Variants in IGF2BP3 observed in about 807,000 individuals in gnomAD.
IGF2BP3 encodes insulin like growth factor 2 mRNA binding protein 3, also known as insulin-like growth factor 2 mRNA-binding protein 3.
Under a neutral mutation model 73.8 loss-of-function variants are expected in IGF2BP3, and 9 were observed. The observed-to-expected ratio is 0.12, with a 90% CI of 0.07 to 0.21. The LOEUF (loss-of-function observed/expected upper bound fraction) is 0.21, where lower values mean the gene tolerates loss of function less well. Among genes scored for constraint, IGF2BP3 ranks in the 10% least tolerant of loss-of-function variants. The pLI, the probability that IGF2BP3 is intolerant of heterozygous loss-of-function variation, is 1.00. For synonymous variants in IGF2BP3, 258 were observed against 256.7 expected (o/e 1.01, Z -0.05); for missense variants, 542 against 714.0 (o/e 0.76, Z 2.75).
chr7:23,449,726 T>G (rs1317353429), intron 2 of IGF2BP3, among the ~76,000 whole-genome samples: 1 of 151,450 alleles, frequency 6.6e-6, no homozygotes, highest in Non-Finnish European at 1.5e-5. Flanking sequence ...CCCCGCTCAT[T>G]TTTTGTGTTT....
intron 3 of IGF2BP3, among the ~76,000 whole-genome samples, chr7:23,416,493 A>G (rs74338347): frequency 0.02 from 3,009 of 152,214 alleles, 107 homozygotes; most frequent in African/African-American, 0.068. Flanking sequence ...TATCTTCTGT[A>G]TTTCTTGTAA....
intron 3 of IGF2BP3, among the ~76,000 whole-genome samples, chr7:23,394,155 C>G (rs1375384613): frequency 6.6e-6 from 1 of 152,140 alleles, no homozygotes; most frequent in African/African-American, 2.4e-5. Flanking sequence ...ACCTGCACAA[C>G]TTAAAAAATC....
At chr7:23,364,879 T>G (rs1249297828) in intron 3 of IGF2BP3, among the ~76,000 whole-genome samples, 1 of 151,528 alleles carries the variant, frequency 6.6e-6, no homozygotes, top group Non-Finnish European at 1.5e-5. Context: ...AAAATATAGC[T>G]TTTAGGACCA....
In IGF2BP3 at chr7:23,451,494, T is replaced by C. The variant is rs1788195878; in HGVS notation, c.236+16988A>G. Among the ~76,000 whole-genome samples the C allele has an allele frequency of 5.9e-5, 9 of 152,298 alleles. No individual in the cohort carries two copies. In the South Asian group the frequency reaches 1.9e-3, roughly 32 times the overall value. ...TAAAACCCCTATCATTCCAGGAGGC[T>C]GAGGCAGGAGAATCGCTTGAACCCA... On this transcript the variant is annotated intron_variant, in intron 2 of 14. Transcript: ENST00000258729.
chr7:23,371,154 AACACACAC>A (rs60859365), intron 3 of IGF2BP3, among the ~76,000 whole-genome samples: 2 of 148,744 alleles, frequency 1.3e-5, no homozygotes, highest in Non-Finnish European at 3.0e-5. Flanking sequence ...ACACCTTGCC[AACACACAC>A]ACACACACAC....
rs1004946372 is a variant in IGF2BP3 at position 23,468,389 on chromosome 7, G to T, written c.236+93C>A. On this transcript the variant is annotated intron_variant, in intron 2 of 14. Coordinates refer to ENST00000258729, the MANE Select transcript of IGF2BP3 (RefSeq NM_006547.3). Reference sequence around the variant, plus strand: ...GGAACACCACGCCACACGGCAGGGGGTAAGCACCAGAGGACAAGAAGTTCT... The same window carrying T: ...GGAACACCACGCCACACGGCAGGGGTTAAGCACCAGAGGACAAGAAGTTCT... 16 of 1,282,998 alleles carry T rather than the reference G, an allele frequency of 1.2e-5. No homozygotes were observed. In the Admixed American group the frequency reaches 2.0e-4, roughly 16 times the overall value. 79.5% of individuals were successfully genotyped at this position (1,282,998 alleles called of 1,614,324 possible). A position where few individuals can be genotyped will look rare whatever the true frequency, so the allele number is the denominator to read the frequency against.
chr7:23,336,638 T>C (rs1463822393), intron 10 of IGF2BP3, among the ~76,000 whole-genome samples: 1 of 152,122 alleles, frequency 6.6e-6, no homozygotes, highest in African/African-American at 2.4e-5. Context: ...TTGCTTCTTT[T>C]TGGCTTCATT....
At chr7:23,411,018 GC>G (rs1234624802) in intron 3 of IGF2BP3, among the ~76,000 whole-genome samples, 1 of 152,048 alleles carries the variant, frequency 6.6e-6, no homozygotes, top group African/African-American at 2.4e-5. Context: ...CTACTTATTG[GC>G]CGAGTGGCCT....
At chr7:23,370,875 T>A (rs1206677332) in intron 3 of IGF2BP3, among the ~76,000 whole-genome samples, 1 of 151,722 alleles carries the variant, frequency 6.6e-6, no homozygotes, top group Non-Finnish European at 1.5e-5. Flanking sequence ...GACAGAGTTT[T>A]GCCATGTTGG....
chr7:23,311,183 G>GGC lies in IGF2BP3; in HGVS notation c.*1177_*1178dup, dbSNP rs1371826333. 2.0e-5 allele frequency: 3 copies of GGC among 151,448 alleles called. No homozygotes were observed. The highest frequency in any genetic ancestry group is 7.3e-5 in the African/African-American group (3 of 41,152). The allele number at this position is 151,448 out of a possible 1,614,324, so 9.4% of individuals were successfully genotyped here. On this transcript the variant is annotated 3_prime_UTR_variant, in exon 15 of 15. Coordinates refer to ENST00000258729, the MANE Select transcript of IGF2BP3 (RefSeq NM_006547.3). Reference sequence around the variant, plus strand: ...GCTTAGTGAGGCTCATGACAGTGCTGGCCCCATGGAAATGTAGCCTTTTGT... The same window carrying GGC: ...GCTTAGTGAGGCTCATGACAGTGCTGGCGCCCCATGGAAATGTAGCCTTTTGT...
At chr7:23,313,868 T>C (rs2128491102) in intron 12 of IGF2BP3, among the ~76,000 whole-genome samples, 1 of 152,322 alleles carries the variant, frequency 6.6e-6, no homozygotes, top group Admixed American at 6.5e-5. Flanking sequence ...ACTGAATGCT[T>C]GGTGAAAGAA....
intron 10 of IGF2BP3, among the ~76,000 whole-genome samples, chr7:23,319,911 C>T (rs762679351): frequency 1.3e-5 from 2 of 151,562 alleles, no homozygotes; most frequent in African/African-American, 4.9e-5. Flanking sequence ...TCTGTGCCTT[C>T]CCTTTGCTTT....
chr7:23,432,366 T>G (rs1787705226), intron 2 of IGF2BP3, among the ~76,000 whole-genome samples: 1 of 152,236 alleles, frequency 6.6e-6, no homozygotes, highest in Admixed American at 6.5e-5. Context: ...GTCAAAGTTT[T>G]TATACTTCCT....
chr7:23,327,642 G>T (rs586926), intron 10 of IGF2BP3, among the ~76,000 whole-genome samples: 1 of 152,048 alleles, frequency 6.6e-6, no homozygotes, highest in African/African-American at 2.4e-5. Flanking sequence ...AAAATCTCAG[G>T]AACTAGGTAG....
chr7:23,328,173 T>A (rs1011970436), intron 10 of IGF2BP3, among the ~76,000 whole-genome samples: 1 of 152,174 alleles, frequency 6.6e-6, no homozygotes, highest in Non-Finnish European at 1.5e-5. Context: ...ACTACTATCA[T>A]CTTAAATCTT....
chr7:23,347,971 A>G (rs918380697), intron 6 of IGF2BP3, among the ~76,000 whole-genome samples: 4 of 152,190 alleles, frequency 2.6e-5, no homozygotes, highest in Non-Finnish European at 5.9e-5. Context: ...ACATCTTTTC[A>G]TTCTACCCAA....
chr7:23,389,751 T>C (rs1478084290), intron 3 of IGF2BP3, among the ~76,000 whole-genome samples: 1 of 151,122 alleles, frequency 6.6e-6, no homozygotes, highest in Non-Finnish European at 1.5e-5. Context: ...ACCAGCACTT[T>C]GGGAGACCAA....
chr7:23,433,391 C>CA (rs1787735339), intron 2 of IGF2BP3, among the ~76,000 whole-genome samples: 1 of 151,858 alleles, frequency 6.6e-6, no homozygotes. Context: ...AAAATACATA[C>CA]AGATGTTGAA....
intron 10 of IGF2BP3, among the ~76,000 whole-genome samples, 157 bp from the exon 11 acceptor site, chr7:23,319,411 G>A (rs543758758): frequency 6.6e-6 from 1 of 152,254 alleles, no homozygotes; most frequent in African/African-American, 2.4e-5. Context: ...TTACCTAATA[G>A]GTCAAGAAGA....
Sources: gnomAD v4.1 joint callset for allele counts (sites outside exome capture counted in the v4.1 genomes callset) on GRCh38, gnomAD v4.1.1 for gene constraint, MANE v1.5 for transcripts, NCBI Gene and HGNC (gene_info 2026-07-23, HGNC 2026-07-21) for gene names.